The following GRK6 variants were observed in gnomAD, a reference collection of about 807,000 sequenced individuals.
The protein encoded by GRK6 is G protein-coupled receptor kinase 6.
GRK6 carries 37 observed loss-of-function variants against 80.8 expected under a neutral mutation model. The observed-to-expected ratio is 0.46, with a 90% confidence interval of 0.35 to 0.60. GRK6 has a LOEUF of 0.60. GRK6 is among the 20% of genes least tolerant of loss of function. GRK6 has a pLI of 0.00. For missense variants in GRK6, 560 were observed against 784.6 expected, an observed-to-expected ratio of 0.71 and a Z score of 3.42; for synonymous variants, 295 against 320.9, an observed-to-expected ratio of 0.92 and a Z score of 0.86.
chr5:177,431,105 T>C (rs866229455), intron 2 of GRK6, 138 bp downstream of exon 2: 23 of 670,302 alleles, frequency 3.4e-5, no homozygotes, highest in South Asian at 1.3e-4. Context: ...GACTGCACCA[T>C]TCAGCCCAGT....
Position 177,440,673 on chromosome 5 carries a change from A to G in GRK6, c.1405-27A>G, listed in dbSNP as rs367929996. ...TCGCGTGTGCGTGTGTGTGTTTCCT[A>G]TCTGACCGTTGCCTCTGTCCCACCA... On this transcript the variant is annotated intron_variant, in intron 13 of 15. Transcript: ENST00000355472. 1.9e-6 allele frequency: 3 copies of G among 1,612,284 alleles called. No homozygotes were observed. In the African/African-American group the frequency reaches 4.0e-5, roughly 22 times the overall value.
At chr5:177,425,991 G>A (rs1043788113), upstream of GRK6, among the ~76,000 whole-genome samples, 1 of 152,230 alleles carries the variant, frequency 6.6e-6, no homozygotes, top group Non-Finnish European at 1.5e-5. Flanking sequence ...GGGAAGGCGA[G>A]GCCGAGTGGG....
chr5:177,433,843 CT>C, intron 8 of GRK6, 70 bp from the exon 9 acceptor site: 1 of 1,494,132 alleles, frequency 6.7e-7, no homozygotes, highest in East Asian at 2.3e-5. Flanking sequence ...ACCGAGAAGG[CT>C]TTTTTGGGCA....
chr5:177,426,963 C>A, intron 1 of GRK6, 66 bp downstream of exon 1: 1 of 1,107,202 alleles, frequency 9.0e-7, no homozygotes. Context: ...GTCTGAGCTC[C>A]GCAGGGCTAC....
intron 8 of GRK6, 64 bp from the exon 9 acceptor site, chr5:177,433,850 G>T: frequency 6.7e-7 from 1 of 1,494,084 alleles, no homozygotes; most frequent in South Asian, 1.3e-5. Flanking sequence ...AGGCTTTTTT[G>T]GGCAGCCCTG....
rs144848494 is a variant in GRK6, at chr5:177,436,125, G to C, written c.1110G>C (p.Ala370=). The C allele has an allele frequency of 6.2e-7, 1 of 1,614,092 alleles. No individual in the cohort carries two copies. The highest frequency in any genetic ancestry group is 8.5e-7 in the Non-Finnish European group (1 of 1,180,028). Residue 370 remains alanine, a synonymous_variant, in exon 12 of 16, where the codon GCG becomes GCC. Coordinates refer to ENST00000355472, the MANE Select transcript of GRK6 (RefSeq NM_001004106.3). ...ERYTFSPDWW[A]LGCLLYEMIA... ...ACACGTTCAGCCCTGACTGGTGGGC[G>C]CTCGGCTGCCTCCTGTACGAGATGA...
intron 15 of GRK6, 50 bp from the exon 16 acceptor site, chr5:177,441,687 G>A (rs763297940): frequency 6.8e-7 from 1 of 1,464,898 alleles, no homozygotes; most frequent in African/African-American, 1.4e-5. Context: ...GTGGTTAATG[G>A]CACCTGCTCT....
rs1239601764 is a variant in GRK6 at position 177,433,462 on chromosome 5, G to A, written c.597+52G>A. ...GAGAGTGAATAGGGTGGGTGTGTTG[G>A]GACCTGGACCACCCCCTGGATGCCC... On this transcript the variant is annotated intron_variant, in intron 7 of 15. Coordinates refer to ENST00000355472, the MANE Select transcript of GRK6 (RefSeq NM_001004106.3). 3.7e-6 allele frequency: 6 copies of A among 1,610,796 alleles called. No individual in the cohort carries two copies. The South Asian group carries it at 4.4e-5, about 12-fold the overall frequency.
rs754215796 is a variant in GRK6 at position 177,440,975 on chromosome 5, T to G, written c.1599T>G (p.Val533=). The G allele has an allele frequency of 6.2e-7, 1 of 1,613,766 alleles. No individual in the cohort carries two copies. Among genetic ancestry groups the G allele is most frequent in the African/African-American group, 1.3e-5 (1 of 74,872 alleles). Residue 533 remains valine (V), a synonymous_variant, in exon 15 of 16, where the codon GTT becomes GTG. Coordinates refer to ENST00000355472, the MANE Select transcript of GRK6 (RefSeq NM_001004106.3). ...ELNVFGLDGS[V]PPDLDWKGQP... ...ATGTCTTTGGGCTGGATGGCTCAGT[T>G]CCCCCAGACCTGGACTGGAAGGGCC...
chr5:177,428,212 A>C lies in GRK6; in HGVS notation c.52+1315A>C, dbSNP rs1309594247. On this transcript the variant is annotated intron_variant, in intron 1 of 15. Coordinates refer to ENST00000355472, the MANE Select transcript of GRK6 (RefSeq NM_001004106.3). The surrounding 1 kb of genome is among the most constrained non-coding windows in gnomAD (Gnocchi z 4.1). ...GTTCTGCCTCGTCATCCAACCAGCC[A>C]GGGAGGAGGGGTGGGGAGGGCCGAA... Among the ~76,000 whole-genome samples the C allele has an allele frequency of 6.6e-6, 1 of 152,222 alleles. No homozygotes were observed. The highest frequency in any genetic ancestry group is 1.5e-5 in the Non-Finnish European group (1 of 68,028).
intron 15 of GRK6, chr5:177,441,317 T>C: frequency 6.5e-7 from 1 of 1,545,630 alleles, no homozygotes; most frequent in Non-Finnish European, 8.7e-7. Context: ...AGCCCTTCCA[T>C]GGCAAAGGCA....
rs1328207317 is a variant in GRK6 at position 177,432,031 on chromosome 5, T to C, written c.185T>C (p.Ile62Thr). Residue 62 changes from isoleucine to threonine, a missense_variant, in exon 3 of 16, where the codon ATT (isoleucine) becomes ACT (threonine). Ile to Thr is a moderately conservative substitution (Grantham distance 89, BLOSUM62 -1). This residue lies in a region of GRK6 where 189 missense variants were observed against 230.2 expected (regional missense o/e 0.82). Transcript: ENST00000355472. ...DYHSLCERQPIGRLLFREFCA... is the reference protein window; with the variant it reads ...DYHSLCERQPTGRLLFREFCA... ...CACAGCCTGTGCGAGCGGCAGCCCA[T>C]TGGGCGCCTGCTGTTCCGAGAGTTC... The C allele has an allele frequency of 5.0e-6, 8 of 1,613,246 alleles. No individual in the cohort carries two copies. The highest frequency in any genetic ancestry group is 5.9e-6 in the Non-Finnish European group (7 of 1,179,888).
At chr5:177,433,827 A>G (rs1764017699) in intron 8 of GRK6, 87 bp from the exon 9 acceptor site, 1 of 1,484,470 alleles carries the variant, frequency 6.7e-7, no homozygotes, top group East Asian at 2.3e-5. Flanking sequence ...GGGCCCAAGG[A>G]GTGGCACCGA....
rs887179218 is a variant in GRK6 at position 177,432,631 on chromosome 5, C to T, written c.340-75C>T. On this transcript the variant is annotated intron_variant, in intron 4 of 15. Coordinates refer to ENST00000355472, the MANE Select transcript of GRK6 (RefSeq NM_001004106.3). ...CTCTCATGGCACCAGCCCGAGTTGC[C>T]TGACCCCTCTCCCCTGGAAGTGGGC... 90 of 1,078,536 alleles carry T rather than the reference C, an allele frequency of 8.3e-5. 1 individual carries two copies. Among genetic ancestry groups the T allele is most frequent in the Non-Finnish European group, 1.1e-4 (84 of 741,962 alleles). The allele number at this position is 1,078,536 out of a possible 1,614,324, so 66.8% of individuals were successfully genotyped here. A position where few individuals can be genotyped will look rare whatever the true frequency, so the allele number is the denominator to read the frequency against.
rs200013126 is a variant in GRK6, at chr5:177,436,103, C to T, written c.1088C>T (p.Thr363Met). 23 of 1,614,074 alleles carry T rather than the reference C, an allele frequency of 1.4e-5. No individual in the cohort carries two copies. In the Admixed American group the frequency reaches 3.3e-4, roughly 23 times the overall value. ...GAGGTGGTGAAGAATGAACGGTACA[C>T]GTTCAGCCCTGACTGGTGGGCGCTC... ...APEVVKNERY[T>M]FSPDWWALGC... is the part of the protein sequence containing the mutation. The change falls in exon 12 of 16, where the codon ACG becomes ATG. Residue 363 changes from threonine (T) to methionine (M), a missense_variant. Physicochemically the swap from Thr to Met is moderately conservative, Grantham distance 81 (BLOSUM62 -1). This residue lies in a region of GRK6 where 294 missense variants were observed against 397.4 expected (regional missense o/e 0.74). Transcript: ENST00000355472.
rs777110947 is a variant in GRK6 at position 177,432,281 on chromosome 5, C to G, written c.310C>G (p.Gln104Glu). ...TGACAAGCGGAAGGCATGTGGGCGG[C>G]AGCTAACGCAGAATTTTCTGAGCCA... Reference protein sequence around the residue: ...PDDKRKACGRQLTQNFLSHTG... With the variant: ...PDDKRKACGRELTQNFLSHTG... Residue 104 changes from glutamine to glutamate, a missense_variant, in exon 4 of 16, where the codon CAG becomes GAG. Physicochemically the swap from Gln to Glu is conservative, Grantham distance 29. Transcript: ENST00000355472. 4.3e-6 allele frequency: 7 copies of G among 1,612,938 alleles called. No individual in the cohort carries two copies. In the Admixed American group the frequency reaches 1.2e-4, roughly 27 times the overall value.
intron 8 of GRK6, 40 bp downstream of exon 8, chr5:177,433,716 C>T: frequency 1.2e-6 from 2 of 1,607,428 alleles, no homozygotes; most frequent in South Asian, 2.2e-5. Context: ...CTTGGCCACA[C>T]TGGCGCACCG....
rs1302850238 is a variant in GRK6 at position 177,440,917 on chromosome 5, A to C, written c.1543-2A>C. 1.2e-6 allele frequency: 2 copies of C among 1,613,884 alleles called. No individual in the cohort carries two copies. On this transcript the variant is annotated splice_acceptor_variant, in intron 14 of 15. Coordinates refer to ENST00000355472, the MANE Select transcript of GRK6 (RefSeq NM_001004106.3). LOFTEE classifies it high-confidence loss of function. ...CTGTCACAGCCGCCTGCTCCTCAGC[A>C]GATGGTGGAGACCGAGTGCTTCCAA...
Position 177,429,210 on chromosome 5 carries a change from G to A in GRK6, c.53-1662G>A, listed in dbSNP as rs1421427632. 6.6e-6 allele frequency among the ~76,000 whole-genome samples: 1 copy of A among 152,104 alleles called. No homozygotes were observed. Among genetic ancestry groups the A allele is most frequent in the African/African-American group, 2.4e-5 (1 of 41,406 alleles). ...TGAGGATGGAGTGGGACAACGCTGG[G>A]GCTTGAGACCTCCCTCAGTACCCCT... On this transcript the variant is annotated intron_variant, in intron 1 of 15. Transcript: ENST00000355472. This position sits in a 1 kb window ranked among gnomAD's most constrained non-coding sequence, Gnocchi z 4.3.
Sources: gnomAD v4.1 joint callset for allele counts (sites outside exome capture counted in the v4.1 genomes callset) on GRCh38, gnomAD v4.1.1 for gene constraint, gnomAD v4.1.1 regional missense constraint, Gnocchi (gnomAD v3.1) non-coding constraint, MANE v1.5 for transcripts, NCBI Gene and HGNC (gene_info 2026-07-23, HGNC 2026-07-21) for gene names.